Variants in INPP4B observed in about 807,000 individuals in gnomAD.
The protein encoded by INPP4B is inositol polyphosphate 4-phosphatase type II.
INPP4B carries 55 observed loss-of-function variants against 122.5 expected under a neutral mutation model. That is an observed-to-expected ratio of 0.45 (90% CI 0.36 to 0.56). The LOEUF is 0.56. Among genes scored for constraint, INPP4B ranks in the 20% least tolerant of loss-of-function variants. The pLI, the probability that INPP4B is intolerant of heterozygous loss-of-function variation, is 0.00. For missense variants in INPP4B, 1,000 were observed against 1,097.7 expected, an observed-to-expected ratio of 0.91 and a Z score of 1.26; for synonymous variants, 403 against 388.7, an observed-to-expected ratio of 1.04 and a Z score of -0.43.
At chr4:142,532,772 G>A (rs1457509398) in intron 2 of INPP4B, among the ~76,000 whole-genome samples, 1 of 152,170 alleles carries the variant, frequency 6.6e-6, no homozygotes, top group African/African-American at 2.4e-5. Context: ...TGCTCAACAT[G>A]TAGATATTTA....
intron 7 of INPP4B, among the ~76,000 whole-genome samples, chr4:142,340,597 G>C (rs1224675522): frequency 6.6e-6 from 1 of 151,958 alleles, no homozygotes; most frequent in Non-Finnish European, 1.5e-5. Context: ...TTGTTTTGTA[G>C]AGGCAGATTC....
At chr4:142,492,996 A>C (rs1430019686) in intron 2 of INPP4B, among the ~76,000 whole-genome samples, 2 of 152,200 alleles carry the variant, frequency 1.3e-5, no homozygotes, top group Admixed American at 6.5e-5. Context: ...GCCTTGGCAC[A>C]TGGTGCCCTA....
intron 2 of INPP4B, among the ~76,000 whole-genome samples, chr4:142,494,309 T>C (rs975656261): frequency 4.6e-5 from 7 of 152,234 alleles, no homozygotes; most frequent in East Asian, 1.9e-4. Context: ...ATTAATGTGC[T>C]GTTCTTGCCA....
At chr4:142,608,561 C>T (rs1033321494) in intron 2 of INPP4B, among the ~76,000 whole-genome samples, 1 of 152,076 alleles carries the variant, frequency 6.6e-6, no homozygotes, top group Non-Finnish European at 1.5e-5. Flanking sequence ...GCCTAGAATG[C>T]CTAGAACAAT....
At chr4:142,325,001 G>C (rs967615805) in intron 7 of INPP4B, among the ~76,000 whole-genome samples, 1 of 152,210 alleles carries the variant, frequency 6.6e-6, no homozygotes, top group Non-Finnish European at 1.5e-5. Context: ...CTCAGAGTCA[G>C]CAAATACCCC....
At chr4:142,124,560 T>G (rs758627649) in intron 19 of INPP4B, 28 bp downstream of exon 19, 3 of 1,598,678 alleles carry the variant, frequency 1.9e-6, no homozygotes, top group Non-Finnish European at 8.6e-7. Flanking sequence ...GGCATTGTTT[T>G]GTACTAACAA....
chr4:142,198,619 T>C (rs2149419919), intron 14 of INPP4B, among the ~76,000 whole-genome samples: 1 of 152,156 alleles, frequency 6.6e-6, no homozygotes, highest in East Asian at 1.9e-4. Flanking sequence ...TTCTCATTTT[T>C]GGCTTCCTTC....
intron 2 of INPP4B, among the ~76,000 whole-genome samples, chr4:142,545,349 G>A (rs1829421994): frequency 6.6e-6 from 1 of 152,002 alleles, no homozygotes; most frequent in African/African-American, 2.4e-5. Context: ...ACCCTATGAG[G>A]TAGGTAATGC....
chr4:142,289,481 C>G (rs183044963), intron 9 of INPP4B, among the ~76,000 whole-genome samples: 2 of 152,284 alleles, frequency 1.3e-5, no homozygotes, highest in Admixed American at 1.3e-4. Flanking sequence ...TCCCATCACA[C>G]GGGTATTAAT....
chr4:142,239,123 G>A (rs1346752086), intron 11 of INPP4B, among the ~76,000 whole-genome samples: 1 of 152,042 alleles, frequency 6.6e-6, no homozygotes. Context: ...CACTACTTGG[G>A]TAAAAATATA....
intron 2 of INPP4B, among the ~76,000 whole-genome samples, chr4:142,615,109 T>G (rs1743414702): frequency 6.6e-6 from 1 of 152,164 alleles, no homozygotes; most frequent in Non-Finnish European, 1.5e-5. Flanking sequence ...ATCGCAGCAC[T>G]ATTCATTTTT....
At chr4:142,075,103 T>G (rs990313734) in intron 25 of INPP4B, among the ~76,000 whole-genome samples, 27 of 152,060 alleles carry the variant, frequency 1.8e-4, no homozygotes, top group Non-Finnish European at 5.9e-5. Flanking sequence ...TAGTGCATAG[T>G]AAGTCCTCAT....
At chr4:142,178,417 T>G (rs532388397) in intron 15 of INPP4B, among the ~76,000 whole-genome samples, 2 of 152,268 alleles carry the variant, frequency 1.3e-5, no homozygotes, top group South Asian at 4.1e-4. Flanking sequence ...AGTCCTTGAC[T>G]TATGGTTAGG....
intron 1 of INPP4B, among the ~76,000 whole-genome samples, chr4:142,754,319 A>G (rs1770176348): frequency 6.6e-6 from 1 of 152,034 alleles, no homozygotes; most frequent in East Asian, 1.9e-4. Context: ...ATTTGGGCTG[A>G]AGTAACAGTG....
At chr4:142,472,290 T>G (rs2149688958) in intron 2 of INPP4B, among the ~76,000 whole-genome samples, 1 of 151,896 alleles carries the variant, frequency 6.6e-6, no homozygotes, top group African/African-American at 2.4e-5. Flanking sequence ...TCTCAGAATC[T>G]TAAGCTACAA....
intron 2 of INPP4B, among the ~76,000 whole-genome samples, chr4:142,511,076 T>A (rs1824650680): frequency 2.6e-5 from 4 of 152,286 alleles, no homozygotes; most frequent in African/African-American, 9.6e-5. Context: ...TATTAAAATT[T>A]TCAAATTTCT....
chr4:142,217,698 CTGAG>C (rs1038664361), intron 12 of INPP4B, among the ~76,000 whole-genome samples: 1 of 152,178 alleles, frequency 6.6e-6, no homozygotes, highest in Non-Finnish European at 1.5e-5. Context: ...CAACGGTATA[CTGAG>C]TGTTTCCATG....
intron 1 of INPP4B, among the ~76,000 whole-genome samples, chr4:142,840,395 GTTT>G (rs1235405087): frequency 6.6e-6 from 1 of 152,026 alleles, no homozygotes; most frequent in African/African-American, 2.4e-5. Context: ...ATAATCATAA[GTTT>G]TTTTCTATCA....
chr4:142,587,450 C>A lies in INPP4B; in HGVS notation c.-190-124724G>T, dbSNP rs186309764. Among the ~76,000 whole-genome samples, 93 of 151,918 alleles carry A rather than the reference C, an allele frequency of 6.1e-4. No homozygotes were observed. The East Asian group carries it at 0.013, about 22-fold the overall frequency. ...AAAAAATTGAATCAATAATTAATAA[C>A]CTTCTGAAAAAAAAGTACCAGTTCC... On this transcript the variant is annotated intron_variant, in intron 2 of 25. Coordinates refer to ENST00000262992, the MANE Select transcript of INPP4B (RefSeq NM_001101669.3).
Sources: gnomAD v4.1 joint callset for allele counts (sites outside exome capture counted in the v4.1 genomes callset) on GRCh38, gnomAD v4.1.1 for gene constraint, MANE v1.5 for transcripts, NCBI Gene and HGNC (gene_info 2026-07-23, HGNC 2026-07-21) for gene names.